CEPT1: variants seen among roughly 807,000 people sequenced by gnomAD.
The protein encoded by CEPT1 is choline/ethanolamine phosphotransferase 1.
CEPT1 carries 7 observed loss-of-function variants against 42.6 expected under a neutral mutation model. The ratio of observed to expected loss-of-function variants is 0.16; its 90% CI spans 0.09 to 0.31. The LOEUF (loss-of-function observed/expected upper bound fraction) is 0.31, where lower values mean the gene tolerates loss of function less well. Among genes scored for constraint, CEPT1 ranks in the 10% least tolerant of loss-of-function variants. The probability of loss-of-function intolerance (pLI) is 1.00; values close to 1 mark genes in which losing one functional copy is unlikely to be tolerated. For missense variants in CEPT1, 306 were observed against 502.1 expected (o/e 0.61, Z 3.73); for synonymous variants, 171 against 171.9 (o/e 0.99, Z 0.04).
chr1:111,168,699 A>G (rs1358991900), intron 4 of CEPT1, among the ~76,000 whole-genome samples: 1 of 152,194 alleles, frequency 6.6e-6, no homozygotes, highest in Non-Finnish European at 1.5e-5. Context: ...CATGTTAGCC[A>G]GGATGGTCTC....
chr1:111,150,753 C>G (rs1046130856), intron 2 of CEPT1, among the ~76,000 whole-genome samples: 1 of 152,142 alleles, frequency 6.6e-6, no homozygotes, highest in Admixed American at 6.5e-5. Context: ...AAAAAGCAAT[C>G]CTCCTAGTAG....
At chr1:111,152,089 A>C (rs779997862) in intron 2 of CEPT1, among the ~76,000 whole-genome samples, 29 of 152,162 alleles carry the variant, frequency 1.9e-4, no homozygotes, top group Non-Finnish European at 4.0e-4. Flanking sequence ...GAAAACCAGA[A>C]ATGCCATTAT....
intron 1 of CEPT1, among the ~76,000 whole-genome samples, chr1:111,145,534 C>T (rs990411220): frequency 6.6e-6 from 1 of 152,174 alleles, no homozygotes; most frequent in Non-Finnish European, 1.5e-5. Context: ...GAAAAAAGTC[C>T]TGTTCCATTG....
intron 2 of CEPT1, among the ~76,000 whole-genome samples, chr1:111,158,929 T>TTTC (rs1438681949): frequency 1.4e-5 from 2 of 139,432 alleles, no homozygotes; most frequent in African/African-American, 5.7e-5. Flanking sequence ...TTTTTTTTTT[T>TTTC]TTGAGACGGA....
chr1:111,151,846 G>T (rs1557924858), intron 2 of CEPT1, among the ~76,000 whole-genome samples: 1 of 152,206 alleles, frequency 6.6e-6, no homozygotes, highest in Non-Finnish European at 1.5e-5. Context: ...ATGTTTTGGG[G>T]TAAAATATTT....
chr1:111,158,913 T>C (rs1655721218), intron 2 of CEPT1, among the ~76,000 whole-genome samples: 1 of 125,658 alleles, frequency 8.0e-6, no homozygotes, highest in Non-Finnish European at 1.7e-5. Context: ...TTTTTTTTTT[T>C]TTTTTTTTTT....
chr1:111,156,710 A>C (rs1655592329), intron 2 of CEPT1, among the ~76,000 whole-genome samples: 1 of 152,234 alleles, frequency 6.6e-6, no homozygotes, highest in Non-Finnish European at 1.5e-5. Flanking sequence ...TCCAGTGCTG[A>C]AAGTGAGGTA....
chr1:111,154,869 G>A (rs957081799), intron 2 of CEPT1, among the ~76,000 whole-genome samples: 2 of 152,092 alleles, frequency 1.3e-5, no homozygotes, highest in Non-Finnish European at 1.5e-5. Flanking sequence ...TTTTTAATGC[G>A]CCGTTGGATT....
At chr1:111,148,343 T>C (rs1333805841) in intron 2 of CEPT1, among the ~76,000 whole-genome samples, 2 of 150,986 alleles carry the variant, frequency 1.3e-5, no homozygotes, top group Non-Finnish European at 1.5e-5. Context: ...AAAAAGTTTT[T>C]CATTTTTTTA....
chr1:111,176,685 C>T (rs1434602546), intron 5 of CEPT1, among the ~76,000 whole-genome samples: 1 of 152,116 alleles, frequency 6.6e-6, no homozygotes, highest in East Asian at 1.9e-4. Context: ...TCTTGAGATA[C>T]CAAGTCCAAA....
At chr1:111,144,548 A>C (rs537521782) in intron 1 of CEPT1, among the ~76,000 whole-genome samples, 2 of 152,206 alleles carry the variant, frequency 1.3e-5, no homozygotes, top group Middle Eastern at 3.2e-3. Flanking sequence ...TAGGTCGCAG[A>C]GGGGAAAAAC....
At chr1:111,145,608 G>A (rs189522747) in intron 1 of CEPT1, among the ~76,000 whole-genome samples, 1 of 152,326 alleles carries the variant, frequency 6.6e-6, no homozygotes, top group East Asian at 1.9e-4. Context: ...ACTTGTCCAT[G>A]TGGTTACTCA....
At chr1:111,173,319 C>T (rs1656513864) in intron 4 of CEPT1, 3 of 152,006 alleles carry the variant, frequency 2.0e-5, no homozygotes. Flanking sequence ...ATGTGTATAT[C>T]AAGATAACTA....
At chr1:111,176,776 G>GA (rs778448097) in intron 5 of CEPT1, among the ~76,000 whole-genome samples, 6 of 152,170 alleles carry the variant, frequency 3.9e-5, no homozygotes, top group Non-Finnish European at 7.3e-5. Context: ...TTTTGTGGAT[G>GA]AAACAAAGTG....
chr1:111,179,535 A>T (rs1160079030), intron 5 of CEPT1: 1 of 152,166 alleles, frequency 6.6e-6, no homozygotes, highest in Non-Finnish European at 1.5e-5. Flanking sequence ...GACTTGAGGG[A>T]GAGAGAGAAT....
chr1:111,147,852 C>T lies in CEPT1; in HGVS notation c.138C>T (p.His46=), dbSNP rs1655057548. 1.9e-6 allele frequency: 3 copies of T among 1,614,096 alleles called. No homozygotes were observed. The highest frequency in any genetic ancestry group is 1.3e-5 in the African/African-American group (1 of 75,022). The change falls in exon 2 of 9, where the codon CAC becomes CAT. Residue 46 remains histidine (H), a synonymous_variant. Coordinates refer to ENST00000357172, the MANE Select transcript of CEPT1 (RefSeq NM_006090.5). ...TACCAACACCACCATTGTCAAGACA[C>T]CAACTAAAGCGGCTAGAAGAACACA... The part of the protein sequence containing the change: ...FQLPTPPLSR[H]QLKRLEEHRY...
In CEPT1 at chr1:111,176,880, A is replaced by T. The variant is rs1656701754; in HGVS notation, c.714+1917A>T. 1.3e-5 allele frequency among the ~76,000 whole-genome samples: 2 copies of T among 152,196 alleles called. 1 individual carries two copies. Among genetic ancestry groups the T allele is most frequent in the South Asian group, 4.1e-4 (2 of 4,834 alleles). On this transcript the variant is annotated intron_variant, in intron 5 of 8. Transcript: ENST00000357172. ...GGCATCAGTGTTACTCCTGACTCTG[A>T]ATTTACATACTACTGTTAAGCAATC...
At chr1:111,142,092 A>G (rs1335302369) in intron 1 of CEPT1, among the ~76,000 whole-genome samples, 2 of 152,048 alleles carry the variant, frequency 1.3e-5, no homozygotes, top group African/African-American at 4.8e-5. Flanking sequence ...GACATTCCCC[A>G]TGCTAAAGTC....
At chr1:111,152,924 C>G (rs1161270662) in intron 2 of CEPT1, among the ~76,000 whole-genome samples, 2 of 152,036 alleles carry the variant, frequency 1.3e-5, no homozygotes, top group Non-Finnish European at 2.9e-5. Flanking sequence ...GTATAATGAT[C>G]AGATCAGGGT....
Sources: allele counts gnomAD v4.1 joint callset (sites outside exome capture counted in the v4.1 genomes callset), GRCh38; gene constraint gnomAD v4.1.1; transcripts MANE v1.5; gene names NCBI Gene and HGNC (gene_info 2026-07-23, HGNC 2026-07-21).